Variants in SRP14 observed in about 807,000 individuals in gnomAD.
The protein encoded by SRP14 is signal recognition particle 14, also known as signal recognition particle 14 kDa protein.
SRP14 carries 1 observed loss-of-function variant against 16.0 expected under a neutral mutation model. That is an observed-to-expected ratio of 0.06 (90% CI 0.02 to 0.30). The LOEUF is 0.30. Among genes scored for constraint, SRP14 ranks in the 10% least tolerant of loss-of-function variants. SRP14 has a pLI of 1.00. For missense variants in SRP14, 120 were observed against 163.1 expected, an observed-to-expected ratio of 0.74 and a Z score of 1.44; for synonymous variants, 67 against 60.1, an observed-to-expected ratio of 1.12 and a Z score of -0.53.
intron 4 of SRP14, 161 bp downstream of exon 4, chr15:40,036,825 T>C (rs1003152837): frequency 6.3e-6 from 5 of 795,992 alleles, no homozygotes; most frequent in Non-Finnish European, 1.1e-5. Context: ...AGGAAGACGG[T>C]ATTAGCATTG....
At chr15:40,037,278 G>GTAAAAAAAAAAAAAAA in intron 3 of SRP14, 9 of 193,366 alleles carry the variant, frequency 4.7e-5, no homozygotes, top group East Asian at 2.0e-4. Context: ...CTCCTTTTGG[G>GTAAAAAAAAAAAAAAA]GAAAAAAAAA....
At chr15:40,036,759 GTAT>G in intron 4 of SRP14, 1 of 640,152 alleles carries the variant, frequency 1.6e-6, no homozygotes. Flanking sequence ...TTCAACTATA[GTAT>G]AGGTAGCATA....
intron 3 of SRP14, among the ~76,000 whole-genome samples, chr15:40,037,621 GTTTTT>G (rs879723144): frequency 0.67 from 82,401 of 123,906 alleles, 27,541 homozygotes; most frequent in Non-Finnish European, 0.78. Flanking sequence ...TTGTCCTTAG[GTTTTT>G]GTTATTTCAT....
At chr15:40,039,186 T>G (rs1221270586), upstream of SRP14, 2 of 1,553,158 alleles carry the variant, frequency 1.3e-6, no homozygotes, top group East Asian at 2.3e-5. Flanking sequence ...CGGCCTAGGC[T>G]GGGCGGGACT....
In SRP14 at chr15:40,038,317, T is replaced by G. The variant is rs1059395; in HGVS notation, c.175A>C (p.Arg59=). Reference sequence around the variant, plus strand: ...ATCTTCTTCTTCCCATCGGTAGCTCTTAACAGACACTTGTTGTCTGCGGGC... The same window carrying G: ...ATCTTCTTCTTCCCATCGGTAGCTCGTAACAGACACTTGTTGTCTGCGGGC... ...FEPADNKCLL[R]ATDGKKKIST... The change falls in exon 3 of 5, where the codon AGA becomes CGA. Residue 59 remains arginine, a synonymous_variant. Coordinates refer to ENST00000267884, the MANE Select transcript of SRP14 (RefSeq NM_003134.6). 262,718 of 1,613,096 alleles carry G rather than the reference T, an allele frequency of 0.16. 22,737 individuals carry two copies. The highest frequency in any genetic ancestry group is 0.19 in the Middle Eastern group (1,144 of 6,058).
chr15:40,038,188 G>A, intron 3 of SRP14, 94 bp downstream of exon 3: 2 of 1,045,888 alleles, frequency 1.9e-6, no homozygotes, highest in Admixed American at 2.0e-5. Context: ...GGGCAAAAGG[G>A]AAAAACAAAT....
At chr15:40,038,803 GCAGA>G (rs1486660556) in intron 2 of SRP14, 69 bp downstream of exon 2, 7 of 1,530,950 alleles carry the variant, frequency 4.6e-6, no homozygotes, top group African/African-American at 1.4e-5. Flanking sequence ...GCGGTCCGCG[GCAGA>G]CAGACTCCGG....
Position 40,039,173 on chromosome 15 carries a change from G to C in SRP14, c.-57C>G. ...AAGCCCCTAGCAGTGAGAGCCGGAA[G>C]TTCGGCCTAGGCTGGGCGGGACTTC... On this transcript the variant is annotated 5_prime_UTR_variant, in exon 1 of 5. Coordinates refer to ENST00000267884, the MANE Select transcript of SRP14 (RefSeq NM_003134.6). 1.3e-6 allele frequency: 2 copies of C among 1,582,252 alleles called. No homozygotes were observed. Among genetic ancestry groups the C allele is most frequent in the Non-Finnish European group, 8.6e-7 (1 of 1,167,222 alleles).
At chr15:40,038,807 A>G (rs1057060999) in intron 2 of SRP14, 69 bp downstream of exon 2, 1 of 1,554,294 alleles carries the variant, frequency 6.4e-7, no homozygotes, top group Non-Finnish European at 8.8e-7. Flanking sequence ...TCCGCGGCAG[A>G]CAGACTCCGG....
At chr15:40,036,608 T>A in intron 4 of SRP14, 108 bp from the exon 5 acceptor site, 1 of 1,091,414 alleles carries the variant, frequency 9.2e-7, no homozygotes, top group South Asian at 1.5e-5. Flanking sequence ...GGAAAGAATA[T>A]AGCACCATTG....
At position 40,039,118 on chromosome 15, in the gene SRP14, G is replaced by T. The variant is rs371523124; in HGVS notation, c.-2C>A. 6 of 1,611,536 alleles carry T rather than the reference G, an allele frequency of 3.7e-6. No individual in the cohort carries two copies. Among genetic ancestry groups the T allele is most frequent in the Admixed American group, 3.3e-5 (2 of 59,820 alleles). On this transcript the variant is annotated 5_prime_UTR_variant, in exon 1 of 5. Transcript: ENST00000267884. ...CTGCTCGCTCTCCAACAACACCATC[G>T]CGGCGACGCTGGCTCGACTCCCTCC...
intron 3 of SRP14, chr15:40,037,278 G>GAAAAAAAAA (rs202158543): frequency 1.0e-5 from 2 of 193,384 alleles, no homozygotes; most frequent in Non-Finnish European, 1.3e-5. Context: ...CTCCTTTTGG[G>GAAAAAAAAA]GAAAAAAAAA....
At chr15:40,037,716 TAAGTA>T (rs1014922429) in intron 3 of SRP14, among the ~76,000 whole-genome samples, 3 of 152,202 alleles carry the variant, frequency 2.0e-5, no homozygotes, top group Non-Finnish European at 2.9e-5. Flanking sequence ...GACTTCCAAC[TAAGTA>T]TAGTCTACAT....
In SRP14 at chr15:40,038,179, G is replaced by T. The variant is rs1026901984; in HGVS notation, c.210+103C>A. On this transcript the variant is annotated intron_variant, in intron 3 of 4. Transcript: ENST00000267884. Reference sequence around the variant, plus strand: ...CCTGGTCTCAAAAATAGCCACACAGGGCAAAAGGGAAAAACAAATAAAAGC... The same window carrying T: ...CCTGGTCTCAAAAATAGCCACACAGTGCAAAAGGGAAAAACAAATAAAAGC... The T allele has an allele frequency of 3.3e-6, 3 of 922,510 alleles. No individual in the cohort carries two copies. In the African/African-American group the frequency reaches 4.9e-5, roughly 15 times the overall value. The allele number at this position is 922,510 out of a possible 1,614,324, so 57.1% of individuals were successfully genotyped here.
intron 4 of SRP14, 137 bp downstream of exon 4, chr15:40,036,848 TG>T: frequency 1.0e-6 from 1 of 994,396 alleles, no homozygotes; most frequent in Non-Finnish European, 1.6e-6. Flanking sequence ...ATTCACACCC[TG>T]GCAGCTTTTA....
chr15:40,038,768 G>T, intron 2 of SRP14, 108 bp downstream of exon 2: 1 of 1,206,700 alleles, frequency 8.3e-7, no homozygotes, highest in Non-Finnish European at 1.2e-6. Flanking sequence ...GCTCAGTACA[G>T]GGTGGGGAAA....
At chr15:40,037,215 G>A in intron 3 of SRP14, 197 bp from the exon 4 acceptor site, 1 of 1,183,946 alleles carries the variant, frequency 8.4e-7, no homozygotes, top group Admixed American at 4.3e-5. Context: ...AAGAAAAGGA[G>A]CTCTGCATCT....
chr15:40,036,771 T>A (rs2035630219), intron 4 of SRP14: 2 of 649,202 alleles, frequency 3.1e-6, no homozygotes, highest in Non-Finnish European at 5.3e-6. Context: ...ATAGGTAGCA[T>A]ATATCTACAG....
chr15:40,036,354 T>C lies in SRP14; in HGVS notation c.390A>G (p.Thr130=). The C allele has an allele frequency of 1.2e-6, 2 of 1,612,272 alleles. No individual in the cohort carries two copies. Among genetic ancestry groups the C allele is most frequent in the Non-Finnish European group, 1.7e-6 (2 of 1,179,734 alleles). The stretch of plus-strand genomic sequence containing the variant: ...CCCTTTACTGTGCTGCTGTTGCTGC[T>C]GTTGTTGCTGCTGTTGTTGGTGCTG... ...AATAPTTAAT[T]AATAAQ Residue 130 remains threonine (T), a synonymous_variant, in exon 5 of 5, where the codon ACA becomes ACG. Transcript: ENST00000267884.
Sources: allele counts gnomAD v4.1 joint callset (sites outside exome capture counted in the v4.1 genomes callset), GRCh38; gene constraint gnomAD v4.1.1; transcripts MANE v1.5; gene names NCBI Gene and HGNC (gene_info 2026-07-23, HGNC 2026-07-21).